The following SIMC1 variants were observed in gnomAD, a reference collection of about 807,000 sequenced individuals.
SIMC1 encodes the protein SUMO-interacting motif-containing protein 1.
A neutral mutation model predicts 82.3 loss-of-function variants in SIMC1; 55 were observed. The ratio of observed to expected loss-of-function variants is 0.67; its 90% CI spans 0.54 to 0.84. The LOEUF is 0.84. SIMC1 is among the 40% of genes least tolerant of loss of function. The pLI is 0.00. For synonymous variants in SIMC1, 353 were observed against 426.3 expected (o/e 0.83, Z 2.12); for missense variants, 915 against 1,107.2 (o/e 0.83, Z 2.46).
intron 1 of SIMC1, among the ~76,000 whole-genome samples, chr5:176,273,397 A>G (rs1006386107): frequency 1.3e-5 from 2 of 152,226 alleles, no homozygotes; most frequent in African/African-American, 4.8e-5. Flanking sequence ...AAACTAACAA[A>G]CAGAAAGGAC....
chr5:176,268,679 G>A (rs552015789), intron 1 of SIMC1, among the ~76,000 whole-genome samples: 75 of 152,164 alleles, frequency 4.9e-4, no homozygotes, highest in Non-Finnish European at 8.8e-4. Flanking sequence ...CAAAATACAT[G>A]AAGCAAACAA....
chr5:176,287,112 A>G (rs1331446909), intron 1 of SIMC1, among the ~76,000 whole-genome samples: 1 of 152,222 alleles, frequency 6.6e-6, no homozygotes, highest in African/African-American at 2.4e-5. Context: ...CATTTGACCC[A>G]GCCATCCCAT....
At position 176,251,708 on chromosome 5, in the gene SIMC1, C is replaced by T. The variant is rs529445146; in HGVS notation, c.129+13071C>T. Among the ~76,000 whole-genome samples, 389 of 151,570 alleles carry T rather than the reference C, an allele frequency of 2.6e-3. 1 individual carries two copies. Among genetic ancestry groups the T allele is most frequent in the South Asian group, 0.012 (59 of 4,772 alleles). On this transcript the variant is annotated intron_variant, in intron 1 of 9. Coordinates refer to ENST00000429602, the MANE Select transcript of SIMC1 (RefSeq NM_001308195.2). ...CAAGTGAACAAAGGTCTCTGGTTCT[C>T]CTAGGCAGAGGACCCTGTGGCCTTC...
chr5:176,319,574 C>G (rs1038261043), intron 5 of SIMC1, among the ~76,000 whole-genome samples: 7 of 152,082 alleles, frequency 4.6e-5, no homozygotes, highest in African/African-American at 1.7e-4. Context: ...GCCTGTAATC[C>G]TAGCACTTTC....
At chr5:176,259,433 G>T (rs1470722521) in intron 1 of SIMC1, among the ~76,000 whole-genome samples, 1 of 151,466 alleles carries the variant, frequency 6.6e-6, no homozygotes, top group African/African-American at 2.4e-5. Flanking sequence ...CTGGGTGACA[G>T]AGCGAGACTC....
Position 176,282,411 on chromosome 5 carries a change from C to T in SIMC1, c.130-7243C>T, listed in dbSNP as rs189261718. ...AGTGAGGCAATGCCTCGCCCTGCTT[C>T]GGCTCGCGCATGGTGCGCTGCACCC... is the stretch of plus-strand genomic sequence containing the variant. On this transcript the variant is annotated intron_variant, in intron 1 of 9. Coordinates refer to ENST00000429602, the MANE Select transcript of SIMC1 (RefSeq NM_001308195.2). Among the ~76,000 whole-genome samples the T allele has an allele frequency of 5.4e-3, 829 of 152,362 alleles. 2 individuals carry two copies. Among genetic ancestry groups the T allele is most frequent in the Non-Finnish European group, 8.3e-3 (567 of 68,038 alleles).
At chr5:176,329,198 G>C (rs1364833272) in intron 7 of SIMC1, among the ~76,000 whole-genome samples, 1 of 152,110 alleles carries the variant, frequency 6.6e-6, no homozygotes, top group East Asian at 1.9e-4. Context: ...CTGGCCGGGC[G>C]CGGGGGCTCA....
chr5:176,302,117 G>T (rs1361690802), intron 4 of SIMC1, among the ~76,000 whole-genome samples: 1 of 152,144 alleles, frequency 6.6e-6, no homozygotes, highest in Non-Finnish European at 1.5e-5. Context: ...ATGACAAGAA[G>T]AAACATTTGT....
chr5:176,276,526 T>G (rs1014773869), intron 1 of SIMC1, among the ~76,000 whole-genome samples: 2 of 150,188 alleles, frequency 1.3e-5, no homozygotes, highest in African/African-American at 4.9e-5. Flanking sequence ...ATACATGTGC[T>G]GTGCTGGTGC....
In SIMC1 at chr5:176,240,808, A is replaced by T. The variant is rs1392007971; in HGVS notation, c.129+2171A>T. On this transcript the variant is annotated intron_variant, in intron 1 of 9. Transcript: ENST00000429602. The stretch of plus-strand genomic sequence containing the variant: ...GTTTTGGAAAGTTCTGTCAACTCTC[A>T]GCTTTTGAGCCTGAGAACATTAATG... Among the ~76,000 whole-genome samples the T allele has an allele frequency of 2.2e-5, 2 of 91,746 alleles. 1 individual carries two copies. Among genetic ancestry groups the T allele is most frequent in the Non-Finnish European group, 4.8e-5 (2 of 41,384 alleles). 60.2% of individuals were successfully genotyped at this position (91,746 alleles called of 152,430 possible). A position where few individuals can be genotyped will look rare whatever the true frequency, so the allele number is the denominator to read the frequency against.
At chr5:176,304,398 G>C (rs1158652919) in intron 4 of SIMC1, 1 of 175,720 alleles carries the variant, frequency 5.7e-6, no homozygotes, top group Non-Finnish European at 1.2e-5. Context: ...TGTGTTGGCC[G>C]GGCCGGTCTC....
intron 7 of SIMC1, among the ~76,000 whole-genome samples, chr5:176,331,231 A>G (rs1765647222): frequency 6.6e-6 from 1 of 151,916 alleles, no homozygotes; most frequent in South Asian, 2.1e-4. Flanking sequence ...TTAGCCAGGC[A>G]TGGTGGCAGG....
intron 9 of SIMC1, among the ~76,000 whole-genome samples, chr5:176,344,558 G>A (rs1766329646): frequency 6.6e-6 from 1 of 152,110 alleles, no homozygotes; most frequent in African/African-American, 2.4e-5. Context: ...CAGTTCTACA[G>A]GCTGTACAGG....
intron 1 of SIMC1, among the ~76,000 whole-genome samples, chr5:176,243,590 C>T (rs922220743): frequency 2.6e-5 from 4 of 151,606 alleles, no homozygotes; most frequent in East Asian, 1.9e-4. Context: ...GGTGCGATCT[C>T]GGCTCACTGC....
rs533086576 is a variant in SIMC1, at chr5:176,247,823, A to G, written c.129+9186A>G. Among the ~76,000 whole-genome samples, 365 of 151,840 alleles carry G rather than the reference A, an allele frequency of 2.4e-3. 2 individuals are homozygous for G. Among genetic ancestry groups the G allele is most frequent in the South Asian group, 5.9e-3 (28 of 4,786 alleles). ...GGGGCCCGGTTTCAGTTTTCTGCAT[A>G]TGGCTAGCCAGTTTTCCCAACACCA... On this transcript the variant is annotated intron_variant, in intron 1 of 9. Transcript: ENST00000429602.
chr5:176,282,408 C>T lies in SIMC1; in HGVS notation c.130-7246C>T, dbSNP rs201561135. 1.8e-4 allele frequency among the ~76,000 whole-genome samples: 27 copies of T among 152,374 alleles called. No individual in the cohort carries two copies. In the East Asian group the frequency reaches 5.2e-3, roughly 29 times the overall value. ...CGGAGTGAGGCAATGCCTCGCCCTGCTTCGGCTCGCGCATGGTGCGCTGCA... is the reference window on the plus strand; with the variant it reads ...CGGAGTGAGGCAATGCCTCGCCCTGTTTCGGCTCGCGCATGGTGCGCTGCA... On this transcript the variant is annotated intron_variant, in intron 1 of 9. Coordinates refer to ENST00000429602, the MANE Select transcript of SIMC1 (RefSeq NM_001308195.2).
At chr5:176,344,066 G>A (rs1476417077) in intron 9 of SIMC1, among the ~76,000 whole-genome samples, 1 of 152,050 alleles carries the variant, frequency 6.6e-6, no homozygotes, top group African/African-American at 2.4e-5. Flanking sequence ...CAAAGCACTG[G>A]TATGACAGGC....
Position 176,295,232 on chromosome 5 carries a change from A to G in SIMC1, c.1634A>G (p.Glu545Gly). Residue 545 changes from glutamate to glycine, a missense_variant, in exon 3 of 10, where the codon GAG becomes GGG. Glu to Gly is a moderately conservative substitution (Grantham distance 98, BLOSUM62 -2). This residue lies in a region of SIMC1 where 902 missense variants were observed against 1,040.3 expected (regional missense o/e 0.87). Coordinates refer to ENST00000429602, the MANE Select transcript of SIMC1 (RefSeq NM_001308195.2). ...TCTGAGACTGTGGATGTCCTAAAGG[A>G]GGCCTACATGCTTCTCATGAAAATT... ...SGSETVDVLK[E>G]AYMLLMKIQQ... 6.2e-7 allele frequency: 1 copy of G among 1,613,246 alleles called. No homozygotes were observed. Among genetic ancestry groups the G allele is most frequent in the Non-Finnish European group, 8.5e-7 (1 of 1,179,498 alleles).
intron 4 of SIMC1, chr5:176,308,196 A>T: frequency 6.8e-7 from 1 of 1,475,402 alleles, no homozygotes; most frequent in South Asian, 1.2e-5. Context: ...TTGAACAATG[A>T]TACAAGGAGT....
Sources: gnomAD v4.1 joint callset for allele counts (sites outside exome capture counted in the v4.1 genomes callset) on GRCh38, gnomAD v4.1.1 for gene constraint, gnomAD v4.1.1 regional missense constraint, MANE v1.5 for transcripts, NCBI Gene and HGNC (gene_info 2026-07-23, HGNC 2026-07-21) for gene names.